Variants in PFKFB3 observed in about 807,000 individuals in gnomAD.
PFKFB3 encodes the protein 6-phosphofructo-2-kinase/fructose-2,6-bisphosphatase 3.
Under a neutral mutation model 68.0 loss-of-function variants are expected in PFKFB3, and 33 were observed. The ratio of observed to expected loss-of-function variants is 0.49; its 90% CI spans 0.37 to 0.65. The LOEUF is 0.65. Among genes scored for constraint, PFKFB3 ranks in the 30% least tolerant of loss-of-function variants. The pLI, the probability that PFKFB3 is intolerant of heterozygous loss-of-function variation, is 0.00. For synonymous variants in PFKFB3, 315 were observed against 288.2 expected (o/e 1.09, Z -0.94); for missense variants, 586 against 712.2 (o/e 0.82, Z 2.02).
At chr10:6,210,559 C>T (rs1444352414) in intron 1 of PFKFB3, among the ~76,000 whole-genome samples, 5 of 85,724 alleles carry the variant, frequency 5.8e-5, no homozygotes, top group Admixed American at 1.3e-4. Context: ...GGGGTTTCGC[C>T]ATGTTAGCCA....
At chr10:6,280,478 C>T in the PFKFB3 span, among the ~76,000 whole-genome samples, 1 of 152,220 alleles carries the variant, frequency 6.6e-6, no homozygotes, top group Non-Finnish European at 1.5e-5. Flanking sequence ...TCACCAATAT[C>T]CTGTGTTCCT....
chr10:6,163,446 G>T (rs1419594503), intron 1 of PFKFB3, among the ~76,000 whole-genome samples: 1 of 152,196 alleles, frequency 6.6e-6, no homozygotes, highest in Admixed American at 6.5e-5. Context: ...CCTGGAGCCT[G>T]GCGTCGTGGG....
At chr10:6,258,112 C>T (rs1037355065), downstream of PFKFB3, among the ~76,000 whole-genome samples, 10 of 152,242 alleles carry the variant, frequency 6.6e-5, no homozygotes, top group Admixed American at 4.6e-4. Context: ...CAAAGTACAT[C>T]GACGGGAATT....
the PFKFB3 span, among the ~76,000 whole-genome samples, chr10:6,303,540 C>A: frequency 6.6e-6 from 1 of 152,028 alleles, no homozygotes; most frequent in Non-Finnish European, 1.5e-5. Flanking sequence ...CAATGCCGGG[C>A]ACGGTGGCTC....
intron 1 of PFKFB3, among the ~76,000 whole-genome samples, chr10:6,169,921 G>C (rs1422989006): frequency 6.6e-6 from 1 of 152,180 alleles, no homozygotes; most frequent in East Asian, 1.9e-4. Flanking sequence ...AGGACACTGA[G>C]AAGATTGAAA....
At position 6,228,058 on chromosome 10, in the gene PFKFB3, G is replaced by C. The variant is rs901552381; in HGVS notation, c.1515+1693G>C. The C allele has an allele frequency of 2.4e-6, 2 of 844,956 alleles. No homozygotes were observed. The highest frequency in any genetic ancestry group is 2.8e-5 in the South Asian group (2 of 70,696). The allele number at this position is 844,956 out of a possible 1,614,324, so 52.3% of individuals were successfully genotyped here. On this transcript the variant is annotated intron_variant, in intron 14 of 14. Transcript: ENST00000379775. The surrounding 1 kb of genome is among the most constrained non-coding windows in gnomAD (Gnocchi z 4.5). Reference sequence around the variant, plus strand: ...TCAGAGCTGCCCCTGGCGTTGGGAGGACAGTCCTTCAGGGTGGCCAGGTTC... The same window carrying C: ...TCAGAGCTGCCCCTGGCGTTGGGAGCACAGTCCTTCAGGGTGGCCAGGTTC...
chr10:6,200,686 T>TGGGGGGG (rs1564613520), upstream of PFKFB3, among the ~76,000 whole-genome samples: 2 of 4,982 alleles, frequency 4.0e-4, no homozygotes, highest in Non-Finnish European at 5.2e-4. Context: ...CGGGGGGTGG[T>TGGGGGGG]GGTGGGGCGG....
At chr10:6,198,502 A>G (rs1027772338), upstream of PFKFB3, among the ~76,000 whole-genome samples, 2 of 152,152 alleles carry the variant, frequency 1.3e-5, no homozygotes, top group Non-Finnish European at 2.9e-5. Flanking sequence ...ATTTTTTTTG[A>G]GACAGAGTCT....
the PFKFB3 span, among the ~76,000 whole-genome samples, chr10:6,262,548 G>A: frequency 6.7e-6 from 1 of 149,570 alleles, no homozygotes; most frequent in Non-Finnish European, 1.5e-5. Context: ...TGCTTTTTGT[G>A]TCTTGCTTAA....
Position 6,228,313 on chromosome 10 carries a change from A to G in PFKFB3, c.1515+1948A>G. 2 of 1,402,856 alleles carry G rather than the reference A, an allele frequency of 1.4e-6. No homozygotes were observed. Among genetic ancestry groups the G allele is most frequent in the Non-Finnish European group, 2.0e-6 (2 of 990,418 alleles). The allele number at this position is 1,402,856 out of a possible 1,614,324, so 86.9% of individuals were successfully genotyped here. A position where few individuals can be genotyped will look rare whatever the true frequency, so the allele number is the denominator to read the frequency against. The stretch of plus-strand genomic sequence containing the variant: ...CTGTTAAAATATTGAGGATGAGAGC[A>G]GTTTTGTGATGTGAGGTCTTCCGTG... On this transcript the variant is annotated intron_variant, in intron 14 of 14. Transcript: ENST00000379775. The surrounding 1 kb of genome is among the most constrained non-coding windows in gnomAD (Gnocchi z 4.5).
chr10:6,279,718 G>A, the PFKFB3 span, among the ~76,000 whole-genome samples: 28 of 152,254 alleles, frequency 1.8e-4, no homozygotes, highest in South Asian at 4.1e-4. Flanking sequence ...AACTAGCTCC[G>A]GGGACACCAG....
chr10:6,145,132 C>A, intron 1 of PFKFB3: 1 of 794,102 alleles, frequency 1.3e-6, no homozygotes, highest in Non-Finnish European at 1.7e-6. Flanking sequence ...ACCCGGGCTG[C>A]GGCGGTGCCG....
At chr10:6,268,591 C>T in the PFKFB3 span, among the ~76,000 whole-genome samples, 4 of 152,022 alleles carry the variant, frequency 2.6e-5, no homozygotes, top group Non-Finnish European at 5.9e-5. Flanking sequence ...TGCCACTGCA[C>T]TCCAGCCTGG....
At chr10:6,308,931 TAGA>T in the PFKFB3 span, among the ~76,000 whole-genome samples, 1 of 152,156 alleles carries the variant, frequency 6.6e-6, no homozygotes, top group African/African-American at 2.4e-5. Context: ...ACACAAAGAA[TAGA>T]AGAACAAGTT....
At position 6,235,015 on chromosome 10, in the gene PFKFB3, C is replaced by T. The variant is rs1253548088; in HGVS notation, c.*2073C>T. ...ACCTGCCTTTTGAGGGGACATTGGA[C>T]GGGGGCCGGGGGCGGGGGTTGGGTT... On this transcript the variant is annotated 3_prime_UTR_variant, in exon 15 of 15. Coordinates refer to ENST00000379775, the MANE Select transcript of PFKFB3 (RefSeq NM_004566.4). 2 of 54,988 alleles carry T rather than the reference C, an allele frequency of 3.6e-5. No individual in the cohort carries two copies. Among genetic ancestry groups the T allele is most frequent in the East Asian group, 3.3e-4 (1 of 3,024 alleles). 3.4% of individuals were successfully genotyped at this position (54,988 alleles called of 1,614,324 possible). A position where few individuals can be genotyped will look rare whatever the true frequency, so the allele number is the denominator to read the frequency against.
intron 14 of PFKFB3, among the ~76,000 whole-genome samples, chr10:6,227,514 C>T (rs566760560): frequency 3.3e-5 from 5 of 152,334 alleles, no homozygotes; most frequent in African/African-American, 7.2e-5. Flanking sequence ...TTAACCTCTC[C>T]AGGCCTCAGT....
intron 1 of PFKFB3, chr10:6,197,764 G>T (rs2131839349): frequency 6.6e-6 from 1 of 152,382 alleles, no homozygotes; most frequent in East Asian, 1.9e-4. Flanking sequence ...TGCTGTCTCA[G>T]GGGTGGCAGA....
At chr10:6,177,848 G>A (rs1168536401) in intron 1 of PFKFB3, among the ~76,000 whole-genome samples, 2 of 152,160 alleles carry the variant, frequency 1.3e-5, no homozygotes, top group African/African-American at 4.8e-5. Flanking sequence ...CAGGGATAAG[G>A]TGGGGAACTT....
At chr10:6,167,874 G>A (rs1842188845) in intron 1 of PFKFB3, among the ~76,000 whole-genome samples, 1 of 152,172 alleles carries the variant, frequency 6.6e-6, no homozygotes, top group Non-Finnish European at 1.5e-5. Flanking sequence ...CCAGCCCTAA[G>A]CGACACTGTA....
Sources: allele counts gnomAD v4.1 joint callset (sites outside exome capture counted in the v4.1 genomes callset), GRCh38; gene constraint gnomAD v4.1.1; non-coding constraint Gnocchi (gnomAD v3.1); transcripts MANE v1.5; gene names NCBI Gene and HGNC (gene_info 2026-07-23, HGNC 2026-07-21).